GPR89B: variants seen among roughly 807,000 people sequenced by gnomAD.
GPR89B encodes the protein golgi pH regulator B.
In GPR89B, 25 loss-of-function variants were observed where a neutral mutation model predicts 52.4. The ratio of observed to expected loss-of-function variants is 0.48; its 90% CI spans 0.35 to 0.67. The LOEUF (loss-of-function observed/expected upper bound fraction) is 0.67, where lower values mean the gene tolerates loss of function less well. GPR89B is among the 30% of genes least tolerant of loss of function. GPR89B has a pLI of 0.01. For synonymous variants in GPR89B, 52 were observed against 151.2 expected (o/e 0.34, Z 4.81); for missense variants, 146 against 450.2 (o/e 0.32, Z 6.11).
the GPR89B span, among the ~76,000 whole-genome samples, chr1:148,003,227 G>A: frequency 3.3e-5 from 5 of 152,042 alleles, no homozygotes; most frequent in African/African-American, 4.8e-5. Flanking sequence ...CAGTTTATAC[G>A]GCCTGAACTC....
At chr1:148,025,390 G>A in the GPR89B span, among the ~76,000 whole-genome samples, 1 of 151,600 alleles carries the variant, frequency 6.6e-6, no homozygotes, top group African/African-American at 2.4e-5. Context: ...AGGCGCAGTG[G>A]CTCACACCTG....
intron 3 of GPR89B, among the ~76,000 whole-genome samples, chr1:147,941,820 A>G (rs1438078202): frequency 2.6e-5 from 4 of 152,152 alleles, no homozygotes; most frequent in African/African-American, 9.7e-5. Flanking sequence ...AACTTTCTAG[A>G]ATTCTATTTT....
At chr1:148,002,182 C>T in the GPR89B span, among the ~76,000 whole-genome samples, 2 of 152,074 alleles carry the variant, frequency 1.3e-5, no homozygotes, top group Non-Finnish European at 2.9e-5. Flanking sequence ...CCCAAAGCCC[C>T]TCCTCTTGGT....
At chr1:147,991,400 A>T (rs1277873109) in intron 12 of GPR89B, among the ~76,000 whole-genome samples, 1 of 152,086 alleles carries the variant, frequency 6.6e-6, no homozygotes, top group Admixed American at 6.6e-5. Context: ...GCAAACAGGG[A>T]CAATTTGACT....
chr1:147,991,367 C>CTA, intron 12 of GPR89B, among the ~76,000 whole-genome samples: 1 of 152,240 alleles, frequency 6.6e-6, no homozygotes, highest in South Asian at 2.1e-4. Flanking sequence ...ATGGGGTTTT[C>CTA]TATATATACA....
intron 3 of GPR89B, among the ~76,000 whole-genome samples, chr1:147,942,159 G>C (rs1654606589): frequency 6.6e-6 from 1 of 151,826 alleles, no homozygotes; most frequent in Admixed American, 6.6e-5. Context: ...ATCTGAATAG[G>C]CATTTCTCCA....
At chr1:147,958,378 C>T (rs1656279377) in intron 7 of GPR89B, among the ~76,000 whole-genome samples, 1 of 151,248 alleles carries the variant, frequency 6.6e-6, no homozygotes, top group African/African-American at 2.4e-5. Context: ...AAAGTGAAGT[C>T]ATGACCGGGT....
At position 147,928,478 on chromosome 1, in the gene GPR89B, A is replaced by G. The variant is rs1335281463; in HGVS notation, c.-59A>G. ...ACCGTGTGAGGGGGCCTGTGGCCCCAGCGTGCTGTGGCCTCCGGGAGTGGG... is the reference window on the plus strand; with the variant it reads ...ACCGTGTGAGGGGGCCTGTGGCCCCGGCGTGCTGTGGCCTCCGGGAGTGGG... On this transcript the variant is annotated 5_prime_UTR_variant, in exon 1 of 14. Coordinates refer to ENST00000314163, the MANE Select transcript of GPR89B (RefSeq NM_016334.5). The G allele has an allele frequency of 3.1e-6, 5 of 1,606,404 alleles. No homozygotes were observed. Among genetic ancestry groups the G allele is most frequent in the African/African-American group, 1.3e-5 (1 of 74,714 alleles).
At chr1:147,949,079 AG>A (rs1655269889) in intron 5 of GPR89B, among the ~76,000 whole-genome samples, 1 of 152,134 alleles carries the variant, frequency 6.6e-6, no homozygotes, top group African/African-American at 2.4e-5. Context: ...GGTTGGGGGT[AG>A]GGTCACCGAT....
rs1196935183 is a variant in GPR89B, at chr1:147,971,464, C to CTTTTTT, written c.909+1525_909+1530dup. On this transcript the variant is annotated intron_variant, in intron 10 of 13. Coordinates refer to ENST00000314163, the MANE Select transcript of GPR89B (RefSeq NM_016334.5). ...TCACACCCGGCCTAGGGAAGCATGT[C>CTTTTTT]TTTTTTTTTTTTTTTTTTTTTTTTT... 2.0e-3 allele frequency among the ~76,000 whole-genome samples: 141 copies of CTTTTTT among 70,258 alleles called. 1 individual carries two copies. The highest frequency in any genetic ancestry group is 3.0e-3 in the African/African-American group (48 of 16,148). 46.1% of individuals were successfully genotyped at this position (70,258 alleles called of 152,430 possible).
At chr1:147,943,232 A>ATATAT (rs1553249168) in intron 3 of GPR89B, among the ~76,000 whole-genome samples, 3 of 152,004 alleles carry the variant, frequency 2.0e-5, no homozygotes, top group Non-Finnish European at 4.4e-5. Context: ...GAAATTCTTA[A>ATATAT]GATGTTAAGA....
At chr1:147,959,224 GA>G (rs1205272740) in intron 7 of GPR89B, among the ~76,000 whole-genome samples, 3 of 151,916 alleles carry the variant, frequency 2.0e-5, no homozygotes, top group Non-Finnish European at 4.4e-5. Flanking sequence ...AACAGTGAGG[GA>G]AAAAATGTTA....
chr1:147,936,680 CTA>C lies in GPR89B; in HGVS notation c.98_99del (p.Tyr33Ter), dbSNP rs781902712. The C allele has an allele frequency of 1.2e-6, 2 of 1,608,038 alleles. No homozygotes were observed. Among genetic ancestry groups the C allele is most frequent in the Non-Finnish European group, 1.7e-6 (2 of 1,175,688 alleles). On this transcript the variant is annotated frameshift_variant, in exon 2 of 14. Coordinates refer to ENST00000314163, the MANE Select transcript of GPR89B (RefSeq NM_016334.5). LOFTEE classifies it high-confidence loss of function. ...TCTTCATGCGCCAATTGTTTAAAGA[CTA>C]TGAGGTGAGAAGAAATCATTTTGTC... ...LFFMRQLFKDYEIRQYVVQVI... is the reference protein window; with the variant it reads ...LFFMRQLFKDXEIRQYVVQVI...
intron 3 of GPR89B, among the ~76,000 whole-genome samples, chr1:147,942,511 A>G (rs1654642523): frequency 6.6e-6 from 1 of 152,164 alleles, no homozygotes; most frequent in Non-Finnish European, 1.5e-5. Context: ...GTATACACAC[A>G]CATTCCTAGC....
chr1:148,017,842 T>C, the GPR89B span, among the ~76,000 whole-genome samples: 3 of 150,208 alleles, frequency 2.0e-5, no homozygotes, highest in East Asian at 1.9e-4. Flanking sequence ...TATTAAAATA[T>C]GCAGAGAAAG....
At chr1:148,008,262 A>G in the GPR89B span, among the ~76,000 whole-genome samples, 1 of 152,238 alleles carries the variant, frequency 6.6e-6, no homozygotes. Flanking sequence ...AAGCTAACCT[A>G]AACCATTCAC....
chr1:147,966,141 C>G (rs1657021080), intron 7 of GPR89B, among the ~76,000 whole-genome samples: 2 of 152,044 alleles, frequency 1.3e-5, no homozygotes, highest in East Asian at 3.9e-4. Flanking sequence ...GCCACCATAC[C>G]CAGCCAGGTA....
intron 10 of GPR89B, among the ~76,000 whole-genome samples, chr1:147,985,481 C>T (rs1658598335): frequency 1.3e-5 from 2 of 151,914 alleles, no homozygotes; most frequent in Non-Finnish European, 2.9e-5. Context: ...CAGGGCAAAC[C>T]TAACCACTGC....
Position 147,950,078 on chromosome 1 carries a change from C to T in GPR89B, c.416-3267C>T, listed in dbSNP as rs587644450. On this transcript the variant is annotated intron_variant, in intron 5 of 13. Coordinates refer to ENST00000314163, the MANE Select transcript of GPR89B (RefSeq NM_016334.5). ...CGGCTGGCCGTGCGGGGGGCTGATCCCCCCACCTCCCTCCCGGACGGGGTG... is the reference window on the plus strand; with the variant it reads ...CGGCTGGCCGTGCGGGGGGCTGATCTCCCCACCTCCCTCCCGGACGGGGTG... 6.5e-4 allele frequency among the ~76,000 whole-genome samples: 98 copies of T among 150,854 alleles called. 2 individuals carry two copies. The highest frequency in any genetic ancestry group is 1.0e-3 in the Non-Finnish European group (69 of 67,580).
Sources: gnomAD v4.1 joint callset for allele counts (sites outside exome capture counted in the v4.1 genomes callset) on GRCh38, gnomAD v4.1.1 for gene constraint, MANE v1.5 for transcripts, NCBI Gene and HGNC (gene_info 2026-07-23, HGNC 2026-07-21) for gene names.